Variants in HPS3 observed in about 807,000 individuals in gnomAD.
The protein encoded by HPS3 is BLOC-2 complex member HPS3.
HPS3 carries 79 observed loss-of-function variants against 110.9 expected under a neutral mutation model. That is an observed-to-expected ratio of 0.71 (90% CI 0.59 to 0.86). The LOEUF (loss-of-function observed/expected upper bound fraction) is 0.86. Ranked by LOEUF, HPS3 falls within the 40% of genes least tolerant of loss-of-function variation. The probability of loss-of-function intolerance (pLI) is 0.00; values close to 1 mark genes in which losing one functional copy is unlikely to be tolerated. For synonymous variants in HPS3, 428 were observed against 451.0 expected (o/e 0.95, Z 0.65); for missense variants, 1,197 against 1,206.2 (o/e 0.99, Z 0.11).
intron 16 of HPS3, among the ~76,000 whole-genome samples, chr3:149,171,150 C>T (rs1013985921): frequency 1.3e-5 from 2 of 151,956 alleles, no homozygotes; most frequent in Admixed American, 1.3e-4. Flanking sequence ...TGGTGGTGCG[C>T]ACCTGTAGTC....
intron 5 of HPS3, among the ~76,000 whole-genome samples, chr3:149,148,707 T>G (rs955146796): frequency 6.7e-6 from 1 of 148,632 alleles, no homozygotes; most frequent in Non-Finnish European, 1.5e-5. Context: ...GCCCGGCCAT[T>G]TTTTTTTTTT....
chr3:149,129,647 C>G lies in HPS3; in HGVS notation c.-77C>G. On this transcript the variant is annotated 5_prime_UTR_variant, in exon 1 of 17. Transcript: ENST00000296051. ...TCATTGGCTCGCTCGCGGAAGTAGT[C>G]CTACATTCGCGGTCAGCGCGGGGTC... The G allele has an allele frequency of 8.7e-7, 1 of 1,155,314 alleles. No individual in the cohort carries two copies. The highest frequency in any genetic ancestry group is 1.2e-6 in the Non-Finnish European group (1 of 847,878). The allele number at this position is 1,155,314 out of a possible 1,614,324, so 71.6% of individuals were successfully genotyped here.
rs1401096784 is a variant in HPS3 at position 149,141,319 on chromosome 3, C to T, written c.909C>T (p.Ser303=). Residue 303 remains serine (S), a synonymous_variant, in exon 4 of 17, where the codon TCC becomes TCT. Transcript: ENST00000296051. ...LYRRFAPDIS[S]YVLSDDIKLH... is the part of the protein sequence containing the mutation. ...GACGTTTTGCTCCTGATATTTCGTC[C>T]TATGTCTTGTCTGATGACATCAAGC... 4 of 1,613,456 alleles carry T rather than the reference C, an allele frequency of 2.5e-6. No homozygotes were observed. Among genetic ancestry groups the T allele is most frequent in the Admixed American group, 1.7e-5 (1 of 59,954 alleles).
intron 13 of HPS3, 38 bp downstream of exon 13, chr3:149,162,916 C>A: frequency 6.7e-7 from 1 of 1,487,540 alleles, no homozygotes; most frequent in Non-Finnish European, 9.4e-7. Flanking sequence ...TTAACTCATG[C>A]ATTGCCCATT....
chr3:149,161,160 C>T (rs929305691), intron 11 of HPS3, among the ~76,000 whole-genome samples: 5 of 152,172 alleles, frequency 3.3e-5, no homozygotes, highest in Admixed American at 6.5e-5. Context: ...AAGTCAACAT[C>T]GGAATGTCTT....
At position 149,158,720 on chromosome 3, in the gene HPS3, G is replaced by T. The variant is rs557369434; in HGVS notation, c.1746G>T (p.Leu582Phe). ...TGCCATACTATAAGATGTCTGGTTT[G>T]TCTATGGCTGAAGTTCTGGCCCGCA... ...LTLPYYKMSG[L>F]SMAEVLARTD... Residue 582 changes from leucine to phenylalanine, a missense_variant, in exon 10 of 17, where the codon TTG becomes TTT. Leu to Phe is a conservative substitution (Grantham distance 22). Transcript: ENST00000296051. 6 of 1,613,746 alleles carry T rather than the reference G, an allele frequency of 3.7e-6. No homozygotes were observed. In the Admixed American group the frequency reaches 1.0e-4, roughly 27 times the overall value.
chr3:149,166,737 G>A (rs1428132360), intron 14 of HPS3, among the ~76,000 whole-genome samples: 1 of 152,070 alleles, frequency 6.6e-6, no homozygotes, highest in Non-Finnish European at 1.5e-5. Context: ...ATTCTCTTAG[G>A]ATAGAGTCCT....
rs915934506 is a variant in HPS3, at chr3:149,155,349, G to T, written c.1509+134G>T. 4 of 677,554 alleles carry T rather than the reference G, an allele frequency of 5.9e-6. No individual in the cohort carries two copies. The African/African-American group carries it at 7.1e-5, about 12-fold the overall frequency. The allele number at this position is 677,554 out of a possible 1,614,324, so 42.0% of individuals were successfully genotyped here. A position where few individuals can be genotyped will look rare whatever the true frequency, so the allele number is the denominator to read the frequency against. On this transcript the variant is annotated intron_variant, in intron 8 of 16. Transcript: ENST00000296051. Reference sequence around the variant, plus strand: ...TCCTGGCTCTGTCTGACAGTGGAATGTATATCTCTCTCTGCCTCCTCATTG... The same window carrying T: ...TCCTGGCTCTGTCTGACAGTGGAATTTATATCTCTCTCTGCCTCCTCATTG...
chr3:149,152,179 T>C (rs1259256050), intron 6 of HPS3, among the ~76,000 whole-genome samples: 1 of 152,182 alleles, frequency 6.6e-6, no homozygotes, highest in East Asian at 1.9e-4. Flanking sequence ...ATCAGGATTA[T>C]TTCCTTTGTA....
chr3:149,144,173 G>A (rs146844274), intron 4 of HPS3, among the ~76,000 whole-genome samples: 3,382 of 149,952 alleles, frequency 0.023, 145 homozygotes, highest in African/African-American at 0.078. Flanking sequence ...TTGGGAGTTC[G>A]AGACCAGCCT....
At chr3:149,164,501 C>T (rs947298979) in intron 14 of HPS3, among the ~76,000 whole-genome samples, 6 of 152,220 alleles carry the variant, frequency 3.9e-5, no homozygotes, top group African/African-American at 1.4e-4. Flanking sequence ...TTAAAGTCCA[C>T]ATTTGACTTG....
At chr3:149,135,828 A>G (rs1722058324) in intron 1 of HPS3, among the ~76,000 whole-genome samples, 1 of 152,108 alleles carries the variant, frequency 6.6e-6, no homozygotes, top group Non-Finnish European at 1.5e-5. Context: ...TTGCCTGGCC[A>G]TTAGCACAAG....
chr3:149,165,886 T>C, intron 14 of HPS3: 4 of 408,770 alleles, frequency 9.8e-6, no homozygotes, highest in South Asian at 3.6e-5. Flanking sequence ...TGCCATCTGA[T>C]TGTCAGGAAA....
chr3:149,145,031 G>T (rs1259717074), intron 4 of HPS3, among the ~76,000 whole-genome samples: 1 of 152,044 alleles, frequency 6.6e-6, no homozygotes, highest in African/African-American at 2.4e-5. Context: ...ACTCAGGCTT[G>T]CTCAGATTAT....
chr3:149,141,961 C>G (rs1722503940), intron 4 of HPS3, among the ~76,000 whole-genome samples: 1 of 152,042 alleles, frequency 6.6e-6, no homozygotes, highest in African/African-American at 2.4e-5. Flanking sequence ...AGTGATTCTC[C>G]TGCCTCAGAC....
chr3:149,166,850 T>C (rs1724474611), intron 14 of HPS3, among the ~76,000 whole-genome samples, 184 bp from the exon 15 acceptor site: 1 of 152,172 alleles, frequency 6.6e-6, no homozygotes, highest in South Asian at 2.1e-4. Context: ...AAACTAGAGG[T>C]AGTTTCAAGA....
At chr3:149,162,536 T>C in intron 12 of HPS3, 154 bp from the exon 13 acceptor site, 1 of 988,916 alleles carries the variant, frequency 1.0e-6, no homozygotes, top group South Asian at 1.4e-5. Context: ...TGTTTCCTTT[T>C]AAAAATGTCT....
At chr3:149,153,707 ATATTT>A (rs1167257587) in intron 7 of HPS3, 59 bp downstream of exon 7, 2 of 1,522,994 alleles carry the variant, frequency 1.3e-6, no homozygotes, top group African/African-American at 2.7e-5. Flanking sequence ...TGTAACTGGT[ATATTT>A]TGTGTTTATC....
At chr3:149,160,821 G>C (rs936691687) in intron 11 of HPS3, among the ~76,000 whole-genome samples, 1 of 152,274 alleles carries the variant, frequency 6.6e-6, no homozygotes, top group East Asian at 1.9e-4. Flanking sequence ...GAAAATAGGA[G>C]GTAGTGTAAT....
Sources: gnomAD v4.1 joint callset for allele counts (sites outside exome capture counted in the v4.1 genomes callset) on GRCh38, gnomAD v4.1.1 for gene constraint, MANE v1.5 for transcripts, NCBI Gene and HGNC (gene_info 2026-07-23, HGNC 2026-07-21) for gene names.